Variants in C9orf57 observed in about 807,000 individuals in gnomAD.
The protein encoded by C9orf57 is uncharacterized protein C9orf57.
Under a neutral mutation model 12.9 loss-of-function variants are expected in C9orf57, and 12 were observed. The ratio of observed to expected loss-of-function variants is 0.93; its 90% CI spans 0.60 to 1.51. The LOEUF (loss-of-function observed/expected upper bound fraction) is 1.51. Among genes scored for constraint, C9orf57 ranks in the 40% most tolerant of loss-of-function variants. C9orf57 has a pLI of 0.00. For synonymous variants in C9orf57, 49 were observed against 57.1 expected, an observed-to-expected ratio of 0.86 and a Z score of 0.64; for missense variants, 141 against 162.8, an observed-to-expected ratio of 0.87 and a Z score of 0.73.
intron 4 of C9orf57, among the ~76,000 whole-genome samples, chr9:72,054,045 C>G (rs1824137020): frequency 6.6e-6 from 1 of 152,218 alleles, no homozygotes; most frequent in African/African-American, 2.4e-5. Context: ...GTTGCCCATG[C>G]TGGAGTGCAA....
chr9:72,056,918 T>C, intron 2 of C9orf57, 75 bp from the exon 3 acceptor site: 1 of 1,302,714 alleles, frequency 7.7e-7, no homozygotes, highest in South Asian at 1.4e-5. Flanking sequence ...TATACTTTTT[T>C]TTTTTTTTGA....
At chr9:72,055,084 C>T (rs139121204) in intron 4 of C9orf57, among the ~76,000 whole-genome samples, 13 of 149,012 alleles carry the variant, frequency 8.7e-5, no homozygotes, top group African/African-American at 2.4e-5. Flanking sequence ...AGCCACCATG[C>T]GCGACTAATT....
intron 2 of C9orf57, 110 bp downstream of exon 2, chr9:72,059,125 C>G (rs555456742): frequency 7.2e-7 from 1 of 1,390,376 alleles, no homozygotes; most frequent in African/African-American, 1.4e-5. Context: ...CTGATCCACC[C>G]GCCTCAGCCT....
rs570768582 is a variant in C9orf57, at chr9:72,058,142, T to C, written c.97+1093A>G. ...TGTCTAGACCAATGTTTGTGAATCG[T>C]TGATGCTTCCAATTCAGGGATCTTT... On this transcript the variant is annotated intron_variant, in intron 2 of 4. Transcript: ENST00000651200. 7.2e-5 allele frequency among the ~76,000 whole-genome samples: 11 copies of C among 152,334 alleles called. No homozygotes were observed. In the South Asian group the frequency reaches 1.4e-3, roughly 20 times the overall value.
intron 2 of C9orf57, among the ~76,000 whole-genome samples, chr9:72,058,528 A>G (rs1361339421): frequency 6.6e-6 from 1 of 152,138 alleles, no homozygotes; most frequent in Non-Finnish European, 1.5e-5. Context: ...CACCATTAAA[A>G]ACAGCTCAGA....
intron 4 of C9orf57, among the ~76,000 whole-genome samples, chr9:72,053,605 C>G (rs529596433): frequency 3.3e-5 from 5 of 152,266 alleles, no homozygotes; most frequent in African/African-American, 9.6e-5. Context: ...AAAGAAGGGG[C>G]TGTGACTAGC....
intron 4 of C9orf57, among the ~76,000 whole-genome samples, chr9:72,053,604 G>T (rs986880523): frequency 1.3e-5 from 2 of 152,116 alleles, no homozygotes; most frequent in African/African-American, 4.8e-5. Flanking sequence ...TAAAGAAGGG[G>T]CTGTGACTAG....
chr9:72,056,308 A>G (rs1034037617), intron 3 of C9orf57, 112 bp from the exon 4 acceptor site: 18 of 460,826 alleles, frequency 3.9e-5, no homozygotes, highest in Non-Finnish European at 5.5e-5. Context: ...TTATATATAT[A>G]TATTTATGTT....
rs927710552 is a variant in C9orf57 at position 72,056,841 on chromosome 9, G to C, written c.100C>G (p.Leu34Val). The C allele has an allele frequency of 2.1e-5, 32 of 1,550,256 alleles. No homozygotes were observed. Among genetic ancestry groups the C allele is most frequent in the Non-Finnish European group, 2.8e-5 (32 of 1,145,942 alleles). ...GVILFGRLGD[L>V]GTCQTKPGQY... ...CCAGGTTTTGTCTGGCAGGTTCCCA[G>C]GTCTAAAAGACATCCATGGAAGGGG... The change falls in exon 3 of 5, where the codon CTG becomes GTG. Residue 34 changes from leucine to valine, a missense_variant and splice_region_variant. Leu to Val is a conservative substitution (Grantham distance 32, BLOSUM62 1). Coordinates refer to ENST00000651200, the MANE Select transcript of C9orf57 (RefSeq NM_001128618.2).
chr9:72,060,337 G>A (rs979739983), intron 1 of C9orf57, among the ~76,000 whole-genome samples, 160 bp downstream of exon 1: 11 of 152,152 alleles, frequency 7.2e-5, no homozygotes, highest in South Asian at 2.1e-4. Context: ...GAGCCACCAC[G>A]CCCGGCCTAT....
chr9:72,057,571 C>T (rs77331784), intron 2 of C9orf57, among the ~76,000 whole-genome samples: 1,874 of 152,138 alleles, frequency 0.012, 30 homozygotes, highest in African/African-American at 0.042. Flanking sequence ...AATTTCGAAG[C>T]GTATGCTGTA....
In C9orf57 at chr9:72,052,259, A is replaced by G; in HGVS notation, c.*37T>C. The G allele has an allele frequency of 6.5e-7, 1 of 1,548,390 alleles. No individual in the cohort carries two copies. Among genetic ancestry groups the G allele is most frequent in the Non-Finnish European group, 8.7e-7 (1 of 1,145,526 alleles). The stretch of plus-strand genomic sequence containing the variant: ...ATAGCCAGGTCAGGCTTCGAGACTG[A>G]TTGATCTGCCAAGCATTTTAGATAT... On this transcript the variant is annotated 3_prime_UTR_variant, in exon 5 of 5. Coordinates refer to ENST00000651200, the MANE Select transcript of C9orf57 (RefSeq NM_001128618.2).
Position 72,052,203 on chromosome 9 carries a change from T to C in C9orf57, c.*93A>G, listed in dbSNP as rs1824095135. 1.5e-6 allele frequency: 2 copies of C among 1,374,106 alleles called. No individual in the cohort carries two copies. Among genetic ancestry groups the C allele is most frequent in the African/African-American group, 1.4e-5 (1 of 69,148 alleles). The allele number at this position is 1,374,106 out of a possible 1,614,324, so 85.1% of individuals were successfully genotyped here. ...CTACAAGGGTCTGAGGTTTCTGAAG[T>C]GGGCTAATTGACAATAGCCATCATT... is the stretch of plus-strand genomic sequence containing the variant. On this transcript the variant is annotated 3_prime_UTR_variant, in exon 5 of 5. Coordinates refer to ENST00000651200, the MANE Select transcript of C9orf57 (RefSeq NM_001128618.2).
At chr9:72,055,703 A>G (rs1824184529) in intron 4 of C9orf57, among the ~76,000 whole-genome samples, 1 of 152,126 alleles carries the variant, frequency 6.6e-6, no homozygotes, top group Non-Finnish European at 1.5e-5. Context: ...CAACTGGTGC[A>G]CAGGGCCCAA....
At chr9:72,060,125 C>T (rs541874761) in intron 1 of C9orf57, among the ~76,000 whole-genome samples, 2 of 152,298 alleles carry the variant, frequency 1.3e-5, no homozygotes, top group South Asian at 2.1e-4. Context: ...CAGCTCACTG[C>T]AACTTCGGCC....
chr9:72,060,367 C>G (rs1297093446), intron 1 of C9orf57, 130 bp downstream of exon 1: 1 of 625,600 alleles, frequency 1.6e-6, no homozygotes, highest in Non-Finnish European at 2.9e-6. Context: ...ATAATACTTT[C>G]ACTGCAAAAG....
At position 72,060,498 on chromosome 9, in the gene C9orf57, T is replaced by A; in HGVS notation, c.-55A>T. 7.0e-7 allele frequency: 1 copy of A among 1,418,570 alleles called. No individual in the cohort carries two copies. The highest frequency in any genetic ancestry group is 9.7e-7 in the Non-Finnish European group (1 of 1,026,042). The allele number at this position is 1,418,570 out of a possible 1,614,324, so 87.9% of individuals were successfully genotyped here. A position where few individuals can be genotyped will look rare whatever the true frequency, so the allele number is the denominator to read the frequency against. ...ATATTTCAGTTGTTCATGACCTACC[T>A]ATCTTTTTCATTAAGGTACTATGGA... is the stretch of plus-strand genomic sequence containing the variant. On this transcript the variant is annotated splice_region_variant and 5_prime_UTR_variant, in exon 1 of 5. Transcript: ENST00000651200.
At chr9:72,052,669 A>C (rs1824103796) in intron 4 of C9orf57, among the ~76,000 whole-genome samples, 1 of 152,196 alleles carries the variant, frequency 6.6e-6, no homozygotes, top group Non-Finnish European at 1.5e-5. Flanking sequence ...AAAACAAAAA[A>C]GCTTTCAAAC....
Position 72,052,384 on chromosome 9 carries a change from C to T in C9orf57, c.332G>A (p.Cys111Tyr), listed in dbSNP as rs765413485. 40 of 1,551,970 alleles carry T rather than the reference C, an allele frequency of 2.6e-5. No individual in the cohort carries two copies. Among genetic ancestry groups the T allele is most frequent in the Non-Finnish European group, 3.4e-5 (39 of 1,146,878 alleles). ...VKGCTKNTSE[C>Y]FKSTLVKRIL... ...TCTCTTGACGAGAGTACTCTTGAAG[C>T]ACTCTGATGTGTTCTTTGTGCAGCC... The change falls in exon 5 of 5, where the codon TGC becomes TAC. Residue 111 changes from cysteine to tyrosine, a missense_variant. Coordinates refer to ENST00000651200, the MANE Select transcript of C9orf57 (RefSeq NM_001128618.2).
Sources: allele counts gnomAD v4.1 joint callset (sites outside exome capture counted in the v4.1 genomes callset), GRCh38; gene constraint gnomAD v4.1.1; transcripts MANE v1.5; gene names NCBI Gene and HGNC (gene_info 2026-07-23, HGNC 2026-07-21).